EIPR1: variants seen among roughly 807,000 people sequenced by gnomAD.
EIPR1 encodes EARP complex and GARP complex interacting protein 1, also known as EARP and GARP complex-interacting protein 1.
Under a neutral mutation model 48.1 loss-of-function variants are expected in EIPR1, and 25 were observed. That is an observed-to-expected ratio of 0.52 (90% CI 0.38 to 0.73). EIPR1 has a LOEUF of 0.73. Among genes scored for constraint, EIPR1 ranks in the 30% least tolerant of loss-of-function variants. The pLI, the probability that EIPR1 is intolerant of heterozygous loss-of-function variation, is 0.00. For missense variants in EIPR1, 415 were observed against 506.2 expected (o/e 0.82, Z 1.73); for synonymous variants, 204 against 201.9 (o/e 1.01, Z -0.09).
chr2:3,240,231 C>T (rs1226834827), intron 4 of EIPR1, among the ~76,000 whole-genome samples: 3 of 151,052 alleles, frequency 2.0e-5, no homozygotes, highest in East Asian at 3.9e-4. Context: ...GCAAAGCCAG[C>T]AGACCCTTCC....
chr2:3,194,848 T>C lies in EIPR1; in HGVS notation c.654-682A>G, dbSNP rs185770820. On this transcript the variant is annotated intron_variant, in intron 6 of 8. Coordinates refer to ENST00000382125, the MANE Select transcript of EIPR1 (RefSeq NM_003310.5). ...ATGCCAGCTGGGCTTGCCATTCCAC[T>C]GTCCACACCAGCTCCAGGTCCAACA... Among the ~76,000 whole-genome samples the C allele has an allele frequency of 4.6e-4, 70 of 152,290 alleles. No homozygotes were observed. The East Asian group carries it at 7.1e-3, about 16-fold the overall frequency.
At chr2:3,234,352 C>T (rs1399580220) in intron 4 of EIPR1, among the ~76,000 whole-genome samples, 2 of 152,180 alleles carry the variant, frequency 1.3e-5, no homozygotes, top group Admixed American at 6.5e-5. Flanking sequence ...CTCAGAATTC[C>T]TTCTTGTTTC....
chr2:3,289,119 C>T (rs1306903131), intron 3 of EIPR1, among the ~76,000 whole-genome samples: 3 of 152,250 alleles, frequency 2.0e-5, no homozygotes, highest in African/African-American at 7.2e-5. Flanking sequence ...TATCTCCCCA[C>T]CGGTTTCAGG....
In EIPR1 at chr2:3,338,043, CCT is replaced by C; in HGVS notation, c.231_232del (p.Gly78CysfsTer36). 6.2e-7 allele frequency: 1 copy of C among 1,609,458 alleles called. No individual in the cohort carries two copies. Among genetic ancestry groups the C allele is most frequent in the Non-Finnish European group, 8.5e-7 (1 of 1,179,108 alleles). ...TCTGTTGTAGCAGGTCGTCAGCACA[CCT>C]CTGTCTGCAGGGCTAGCGCTAATAT... On this transcript the variant is annotated frameshift_variant, in exon 3 of 9. Transcript: ENST00000382125. LOFTEE classifies it high-confidence loss of function.
intron 4 of EIPR1, among the ~76,000 whole-genome samples, chr2:3,235,855 C>G (rs188099785): frequency 1.3e-5 from 2 of 152,202 alleles, no homozygotes; most frequent in African/African-American, 4.8e-5. Context: ...AAAGAATGCC[C>G]CAAATTAGCA....
At chr2:3,211,910 GC>G (rs1665470866) in intron 5 of EIPR1, among the ~76,000 whole-genome samples, 1 of 152,232 alleles carries the variant, frequency 6.6e-6, no homozygotes, top group Non-Finnish European at 1.5e-5. Context: ...GGGGTCTGTG[GC>G]CCCCACGGAA....
At chr2:3,261,214 G>A (rs1212948821) in intron 3 of EIPR1, among the ~76,000 whole-genome samples, 1 of 152,146 alleles carries the variant, frequency 6.6e-6, no homozygotes, top group African/African-American at 2.4e-5. Context: ...TGTGGAGACA[G>A]TTAATAGAGT....
rs986945204 is a variant in EIPR1 at position 3,199,072 on chromosome 2, G to GCC, written c.517-2057_517-2056dup. 1.8e-3 allele frequency among the ~76,000 whole-genome samples: 44 copies of GCC among 24,396 alleles called. 4 individuals are homozygous for GCC. Among genetic ancestry groups the GCC allele is most frequent in the African/African-American group, 4.0e-3 (34 of 8,506 alleles). The allele number at this position is 24,396 out of a possible 152,430, so 16.0% of individuals were successfully genotyped here. On this transcript the variant is annotated intron_variant, in intron 5 of 8. Coordinates refer to ENST00000382125, the MANE Select transcript of EIPR1 (RefSeq NM_003310.5). Reference sequence around the variant, plus strand: ...GGCCATTTTAGAGGGCCCCCCCCCCGCCCCGGGAATGCATTCTTTTCCCGG... The same window carrying GCC: ...GGCCATTTTAGAGGGCCCCCCCCCCGCCCCCCGGGAATGCATTCTTTTCCCGG...
intron 5 of EIPR1, among the ~76,000 whole-genome samples, chr2:3,202,711 T>C (rs1572287404): frequency 6.6e-6 from 1 of 152,206 alleles, no homozygotes; most frequent in South Asian, 2.1e-4. Flanking sequence ...TCCCAAGCTC[T>C]TGCACTTCAA....
chr2:3,213,834 G>GT (rs1417725056), intron 5 of EIPR1, among the ~76,000 whole-genome samples: 3 of 152,108 alleles, frequency 2.0e-5, no homozygotes, highest in Admixed American at 1.3e-4. Flanking sequence ...TAGCCCAAAG[G>GT]TCCCATTTAT....
chr2:3,333,375 T>A (rs1338210920), intron 3 of EIPR1, among the ~76,000 whole-genome samples: 1 of 152,092 alleles, frequency 6.6e-6, no homozygotes, highest in Non-Finnish European at 1.5e-5. Flanking sequence ...CCAAATGAAC[T>A]CTGTTTCTAG....
In EIPR1 at chr2:3,269,675, T is replaced by TCACA. The variant is rs1667642008; in HGVS notation, c.260-12221_260-12220insTGTG. 6.7e-5 allele frequency among the ~76,000 whole-genome samples: 8 copies of TCACA among 119,140 alleles called. No individual in the cohort carries two copies. The East Asian group carries it at 1.6e-3, about 24-fold the overall frequency. 78.2% of individuals were successfully genotyped at this position (119,140 alleles called of 152,430 possible). ...CACACTCAATCATCACACTCAATCATCGCAATCATCGCACTCAATCATCAC... is the reference window on the plus strand; with the variant it reads ...CACACTCAATCATCACACTCAATCATCACACGCAATCATCGCACTCAATCATCAC... On this transcript the variant is annotated intron_variant, in intron 3 of 8. Transcript: ENST00000382125.
Position 3,354,638 on chromosome 2 carries a change from A to G in EIPR1, c.43-5T>C, listed in dbSNP as rs369609912. 2 of 1,613,840 alleles carry G rather than the reference A, an allele frequency of 1.2e-6. No individual in the cohort carries two copies. The highest frequency in any genetic ancestry group is 1.3e-5 in the African/African-American group (1 of 74,938). ...TTGAGGTGTTAAGGCACGTGCCTGCAGGAGGGAAGAAAAACACATGCACAT... is the reference window on the plus strand; with the variant it reads ...TTGAGGTGTTAAGGCACGTGCCTGCGGGAGGGAAGAAAAACACATGCACAT... On this transcript the variant is annotated splice_polypyrimidine_tract_variant and splice_region_variant and intron_variant, in intron 1 of 8. Coordinates refer to ENST00000382125, the MANE Select transcript of EIPR1 (RefSeq NM_003310.5).
At chr2:3,374,476 C>T (rs191185544) in intron 1 of EIPR1, among the ~76,000 whole-genome samples, 2 of 151,818 alleles carry the variant, frequency 1.3e-5, no homozygotes, top group African/African-American at 2.4e-5. Flanking sequence ...TCACAACCTG[C>T]TCATCTGACA....
chr2:3,199,985 G>A (rs1482786464), intron 5 of EIPR1, among the ~76,000 whole-genome samples: 1 of 151,926 alleles, frequency 6.6e-6, no homozygotes, highest in Non-Finnish European at 1.5e-5. Flanking sequence ...AGAGGTGACG[G>A]GTGTGTCTGC....
intron 3 of EIPR1, among the ~76,000 whole-genome samples, chr2:3,329,396 T>A (rs7588495): frequency 0.27 from 39,319 of 146,074 alleles, 6,791 homozygotes; most frequent in East Asian, 0.63. Context: ...CCTACCACAC[T>A]CTAATGATCT....
In EIPR1 at chr2:3,189,528, G is replaced by C; in HGVS notation, c.990-20C>G. 1 of 1,536,084 alleles carries C rather than the reference G, an allele frequency of 6.5e-7. No homozygotes were observed. The highest frequency in any genetic ancestry group is 8.9e-7 in the Non-Finnish European group (1 of 1,129,914). On this transcript the variant is annotated intron_variant, in intron 8 of 8. Transcript: ENST00000382125. The surrounding 1 kb of genome is among the most constrained non-coding windows in gnomAD (Gnocchi z 4.6). ...TTGCTCCTGCAATGCAACAGAGGCA[G>C]ACGTGAGCGCAGCAGCTCCGGCGGG...
At chr2:3,207,730 A>G (rs1319543746) in intron 5 of EIPR1, 3 of 152,246 alleles carry the variant, frequency 2.0e-5, no homozygotes, top group African/African-American at 7.2e-5. Flanking sequence ...AGAGCTTGGG[A>G]AAAAGACGCT....
At chr2:3,257,506 C>T (rs1667197509) in intron 3 of EIPR1, 51 bp from the exon 4 acceptor site, 1 of 1,596,020 alleles carries the variant, frequency 6.3e-7, no homozygotes, top group Non-Finnish European at 8.6e-7. Flanking sequence ...GTGTGCCCCG[C>T]ATTCTGCAGA....
Sources: allele counts gnomAD v4.1 joint callset (sites outside exome capture counted in the v4.1 genomes callset), GRCh38; gene constraint gnomAD v4.1.1; non-coding constraint Gnocchi (gnomAD v3.1); transcripts MANE v1.5; gene names NCBI Gene and HGNC (gene_info 2026-07-23, HGNC 2026-07-21).